Variants in RPS6KC1 observed in about 807,000 individuals in gnomAD.
RPS6KC1 encodes the protein ribosomal protein S6 kinase C1.
RPS6KC1 carries 54 observed loss-of-function variants against 103.8 expected under a neutral mutation model. The ratio of observed to expected loss-of-function variants is 0.52; its 90% CI spans 0.42 to 0.65. The LOEUF is 0.65. Ranked by LOEUF, RPS6KC1 falls within the 30% of genes least tolerant of loss-of-function variation. RPS6KC1 has a pLI of 0.00. For synonymous variants in RPS6KC1, 439 were observed against 438.7 expected (o/e 1.00, Z -0.01); for missense variants, 1,151 against 1,253.8 (o/e 0.92, Z 1.24).
the RPS6KC1 span, among the ~76,000 whole-genome samples, chr1:213,656,765 G>C: frequency 6.6e-6 from 1 of 152,330 alleles, no homozygotes; most frequent in South Asian, 2.1e-4. Context: ...GCTTTGCCTT[G>C]TAAATGTTTG....
At chr1:213,634,023 A>C in the RPS6KC1 span, among the ~76,000 whole-genome samples, 2 of 152,044 alleles carry the variant, frequency 1.3e-5, no homozygotes, top group Admixed American at 1.3e-4. Context: ...CAACAAGAAG[A>C]GCTAACTATC....
intron 14 of RPS6KC1, among the ~76,000 whole-genome samples, chr1:213,266,349 A>G (rs1281858019): frequency 1.3e-5 from 2 of 152,234 alleles, no homozygotes; most frequent in Non-Finnish European, 2.9e-5. Flanking sequence ...AACATCCAAG[A>G]GTGGAATTTC....
chr1:213,417,902 C>G, the RPS6KC1 span, among the ~76,000 whole-genome samples: 1 of 152,186 alleles, frequency 6.6e-6, no homozygotes, highest in Non-Finnish European at 1.5e-5. Context: ...GCAGGTGATA[C>G]CGGTCATTAA....
At chr1:213,826,269 GT>G in the RPS6KC1 span, among the ~76,000 whole-genome samples, 66 of 152,246 alleles carry the variant, frequency 4.3e-4, no homozygotes, top group African/African-American at 1.5e-3. Context: ...AAGTACAGAT[GT>G]CCAGGTAATG....
At chr1:213,710,291 A>G in the RPS6KC1 span, among the ~76,000 whole-genome samples, 67,878 of 151,864 alleles carry the variant, frequency 0.45, 18,033 homozygotes, top group East Asian at 0.67. Context: ...GTCTTTTTTT[A>G]TCTTCGTTGG....
the RPS6KC1 span, among the ~76,000 whole-genome samples, chr1:213,410,710 AG>A: frequency 3.3e-5 from 5 of 152,150 alleles, no homozygotes; most frequent in Non-Finnish European, 5.9e-5. Context: ...GAGAATGGTG[AG>A]GAAGTGATTG....
At chr1:213,153,023 C>G (rs1023428096) in intron 6 of RPS6KC1, among the ~76,000 whole-genome samples, 1 of 146,354 alleles carries the variant, frequency 6.8e-6, no homozygotes, top group African/African-American at 2.7e-5. Context: ...GGATCACGTG[C>G]GGTTAGGGGC....
At chr1:213,733,548 G>T in the RPS6KC1 span, among the ~76,000 whole-genome samples, 111,384 of 141,996 alleles carry the variant, frequency 0.78, 42,999 homozygotes, top group Middle Eastern at 0.91. Context: ...TTTTTAGTTT[G>T]TTTTTTTTTT....
chr1:213,702,960 C>T, the RPS6KC1 span, among the ~76,000 whole-genome samples: 1 of 151,798 alleles, frequency 6.6e-6, no homozygotes, highest in African/African-American at 2.4e-5. Context: ...AGGACTTACT[C>T]CTACCATTTT....
chr1:213,730,260 T>C, the RPS6KC1 span, among the ~76,000 whole-genome samples: 2 of 152,228 alleles, frequency 1.3e-5, no homozygotes, highest in Admixed American at 6.5e-5. Flanking sequence ...TTATTTGTTA[T>C]GATTTATATT....
chr1:213,295,775 G>A, the RPS6KC1 span, among the ~76,000 whole-genome samples: 1 of 152,152 alleles, frequency 6.6e-6, no homozygotes, highest in East Asian at 1.9e-4. Flanking sequence ...AGAGGGATGT[G>A]TTTAGGAAGG....
the RPS6KC1 span, among the ~76,000 whole-genome samples, chr1:213,283,335 G>C: frequency 4.6e-5 from 7 of 152,170 alleles, no homozygotes; most frequent in African/African-American, 1.7e-4. Flanking sequence ...CCCCACAAAA[G>C]CATGCAGAGC....
At chr1:213,101,905 T>C (rs1327389864) in intron 3 of RPS6KC1, among the ~76,000 whole-genome samples, 1 of 152,212 alleles carries the variant, frequency 6.6e-6, no homozygotes, top group Non-Finnish European at 1.5e-5. Context: ...AGTAGATTTT[T>C]TCCTAAGATT....
the RPS6KC1 span, among the ~76,000 whole-genome samples, chr1:213,659,913 C>T: frequency 6.6e-6 from 1 of 152,312 alleles, no homozygotes; most frequent in South Asian, 2.1e-4. Context: ...CCTGATAATA[C>T]ATCCATAATT....
At chr1:213,292,020 T>G in the RPS6KC1 span, among the ~76,000 whole-genome samples, 1 of 152,136 alleles carries the variant, frequency 6.6e-6, no homozygotes, top group Admixed American at 6.5e-5. Context: ...TCCCCATTGC[T>G]TGTTTTTCTC....
At chr1:213,538,337 C>T in the RPS6KC1 span, among the ~76,000 whole-genome samples, 1 of 152,192 alleles carries the variant, frequency 6.6e-6, no homozygotes, top group East Asian at 1.9e-4. Flanking sequence ...CTCTCTTGTT[C>T]TTTGTGTGAG....
chr1:213,150,525 ACGCTG>A (rs1210707539), intron 6 of RPS6KC1, among the ~76,000 whole-genome samples: 1 of 150,490 alleles, frequency 6.6e-6, no homozygotes, highest in Non-Finnish European at 1.5e-5. Flanking sequence ...CTTAACGAGC[ACGCTG>A]CCTTCAAGCA....
chr1:213,326,268 G>A, the RPS6KC1 span, among the ~76,000 whole-genome samples: 1 of 152,076 alleles, frequency 6.6e-6, no homozygotes, highest in African/African-American at 2.4e-5. Context: ...TTTAATTAAA[G>A]CAAACATAAA....
the RPS6KC1 span, among the ~76,000 whole-genome samples, chr1:213,664,192 C>CGGGGGGGGG: frequency 1.3e-4 from 4 of 29,848 alleles, no homozygotes; most frequent in Non-Finnish European, 2.4e-4. Context: ...AAGAAATGAG[C>CGGGGGGGGG]GGGGGGGCGG....
Sources: allele counts gnomAD v4.1 joint callset (sites outside exome capture counted in the v4.1 genomes callset), GRCh38; gene constraint gnomAD v4.1.1; transcripts MANE v1.5; gene names NCBI Gene and HGNC (gene_info 2026-07-23, HGNC 2026-07-21).